The following ATP5F1C variants were observed in gnomAD, a reference collection of about 807,000 sequenced individuals.
ATP5F1C encodes ATP synthase F1 subunit gamma.
Under a neutral mutation model 37.4 loss-of-function variants are expected in ATP5F1C, and 22 were observed. The observed-to-expected ratio is 0.59, with a 90% CI of 0.42 to 0.84. ATP5F1C has a LOEUF of 0.84. Among genes scored for constraint, ATP5F1C ranks in the 40% least tolerant of loss-of-function variants. The pLI is 0.00. For synonymous variants in ATP5F1C, 121 were observed against 128.0 expected (o/e 0.95, Z 0.37); for missense variants, 286 against 362.4 (o/e 0.79, Z 1.71).
chr10:7,796,900 A>C, intron 2 of ATP5F1C, 147 bp from the exon 3 acceptor site: 1 of 914,460 alleles, frequency 1.1e-6, no homozygotes, highest in Non-Finnish European at 1.6e-6. Context: ...ACTAGTTCTA[A>C]TATTAAGACT....
At chr10:7,801,657 C>T (rs1042904628) in intron 6 of ATP5F1C, 11 of 152,212 alleles carry the variant, frequency 7.2e-5, no homozygotes, top group African/African-American at 2.7e-4. Flanking sequence ...ATCTTGGGGA[C>T]AGGACCTGAG....
chr10:7,788,189 CA>C lies in ATP5F1C; in HGVS notation c.-18del, dbSNP rs1564328725. The C allele has an allele frequency of 6.2e-7, 1 of 1,612,814 alleles. No individual in the cohort carries two copies. Among genetic ancestry groups the C allele is most frequent in the South Asian group, 1.1e-5 (1 of 90,960 alleles). On this transcript the variant is annotated 5_prime_UTR_variant, in exon 1 of 10. Coordinates refer to ENST00000356708, the MANE Select transcript of ATP5F1C (RefSeq NM_001001973.3). ...CGCTGAGGCCTGCCTGACCGACCTT[CA>C]GCAGGGCTGTGGCTACCATGTTCTC...
At chr10:7,788,415 T>C (rs1273101762) in intron 1 of ATP5F1C, 152 bp downstream of exon 1, 3 of 1,174,274 alleles carry the variant, frequency 2.6e-6, no homozygotes, top group Non-Finnish European at 3.6e-6. Context: ...TAGCGGGGGC[T>C]GCAGGAAGCG....
At chr10:7,805,440 T>C (rs1359387301) in intron 8 of ATP5F1C, among the ~76,000 whole-genome samples, 2 of 152,128 alleles carry the variant, frequency 1.3e-5, no homozygotes, top group East Asian at 1.9e-4. Flanking sequence ...ACCAGCCTAT[T>C]TCTTCATTAG....
chr10:7,807,789 A>T lies in ATP5F1C; in HGVS notation c.*161A>T. 1 of 1,049,468 alleles carries T rather than the reference A, an allele frequency of 9.5e-7. No individual in the cohort carries two copies. The highest frequency in any genetic ancestry group is 1.3e-6 in the Non-Finnish European group (1 of 749,206). The allele number at this position is 1,049,468 out of a possible 1,614,324, so 65.0% of individuals were successfully genotyped here. On this transcript the variant is annotated 3_prime_UTR_variant, in exon 10 of 10. Coordinates refer to ENST00000356708, the MANE Select transcript of ATP5F1C (RefSeq NM_001001973.3). ...TTTGTAAATTATCTTAAAATAAACA[A>T]CTTAAAATAAAATCATTGTTTTTCT...
At chr10:7,804,197 A>C (rs376097998) in intron 8 of ATP5F1C, 27 of 518,856 alleles carry the variant, frequency 5.2e-5, no homozygotes, top group Non-Finnish European at 1.0e-4. Context: ...AGTGCAGAAT[A>C]CTTGCTGTGT....
chr10:7,802,615 A>C (rs917083957), intron 7 of ATP5F1C, 143 bp from the exon 8 acceptor site: 4 of 1,091,528 alleles, frequency 3.7e-6, no homozygotes, highest in Non-Finnish European at 5.2e-6. Flanking sequence ...GGAAGATGTA[A>C]AAATATCTTC....
chr10:7,788,287 G>C, intron 1 of ATP5F1C, 24 bp downstream of exon 1: 1 of 1,611,200 alleles, frequency 6.2e-7, no homozygotes, highest in Non-Finnish European at 8.5e-7. Flanking sequence ...CGGGAAGATC[G>C]GCAGGACCGC....
rs531906161 is a variant in ATP5F1C at position 7,798,894 on chromosome 10, C to T, written c.224-96C>T. The T allele has an allele frequency of 1.6e-4, 195 of 1,190,990 alleles. 1 individual carries two copies. The highest frequency in any genetic ancestry group is 2.9e-4 in the Middle Eastern group (1 of 3,468). The allele number at this position is 1,190,990 out of a possible 1,614,324, so 73.8% of individuals were successfully genotyped here. On this transcript the variant is annotated intron_variant, in intron 3 of 9. Transcript: ENST00000356708. ...GGCAGTTGCCAGCTAAATTTAAATG[C>T]GTATTTTGGAAATAACCAACTGCTT...
chr10:7,800,281 C>T lies in ATP5F1C; in HGVS notation c.637+190C>T, dbSNP rs565739515. 5.9e-5 allele frequency among the ~76,000 whole-genome samples: 9 copies of T among 152,178 alleles called. No homozygotes were observed. In the East Asian group the frequency reaches 7.8e-4, roughly 13 times the overall value. ...CACCATCTCGGCTCACTGCAAGTTC[C>T]GCCTCCTGGGTTCACACCATTCTCC... is the stretch of plus-strand genomic sequence containing the variant. On this transcript the variant is annotated intron_variant, in intron 6 of 9. Transcript: ENST00000356708.
chr10:7,789,100 T>C (rs781345143), intron 1 of ATP5F1C, among the ~76,000 whole-genome samples: 1 of 151,948 alleles, frequency 6.6e-6, no homozygotes, highest in Non-Finnish European at 1.5e-5. Context: ...AAGTGCATAT[T>C]AGAAGGCCCG....
intron 9 of ATP5F1C, 124 bp from the exon 10 acceptor site, chr10:7,807,535 G>A: frequency 1.7e-6 from 2 of 1,188,164 alleles, no homozygotes; most frequent in African/African-American, 1.5e-5. Flanking sequence ...CTGGTATAGG[G>A]TAACACTTTA....
intron 1 of ATP5F1C, among the ~76,000 whole-genome samples, chr10:7,791,310 A>C (rs1836161327): frequency 6.6e-6 from 1 of 152,102 alleles, no homozygotes. Flanking sequence ...AAAACAAAAA[A>C]AAAAAGATGA....
chr10:7,795,617 G>A (rs1836225402), intron 1 of ATP5F1C, among the ~76,000 whole-genome samples: 2 of 152,158 alleles, frequency 1.3e-5, no homozygotes, highest in Admixed American at 1.3e-4. Context: ...GAGCATCTTG[G>A]TAAATGTTTA....
At chr10:7,794,631 C>G (rs181478420) in intron 1 of ATP5F1C, among the ~76,000 whole-genome samples, 1 of 151,780 alleles carries the variant, frequency 6.6e-6, no homozygotes, top group African/African-American at 2.4e-5. Flanking sequence ...TTTCTTTAAC[C>G]TGTTGACGTA....
chr10:7,799,373 G>T (rs1836307107), intron 4 of ATP5F1C, 179 bp downstream of exon 4: 2 of 608,286 alleles, frequency 3.3e-6, no homozygotes, highest in Non-Finnish European at 5.6e-6. Flanking sequence ...GGATATATTG[G>T]AACATTTCTG....
intron 6 of ATP5F1C, among the ~76,000 whole-genome samples, chr10:7,800,312 C>T (rs7073668): frequency 0.085 from 12,968 of 152,112 alleles, 624 homozygotes; most frequent in Middle Eastern, 0.12. Flanking sequence ...TCTCCTGCCT[C>T]AGCCTCCCTA....
intron 8 of ATP5F1C, among the ~76,000 whole-genome samples, chr10:7,803,487 GTTT>G (rs767019534): frequency 1.3e-5 from 2 of 152,168 alleles, no homozygotes; most frequent in Admixed American, 6.5e-5. Flanking sequence ...TGTTGTATTG[GTTT>G]TTGTTTTTAT....
rs567910407 is a variant in ATP5F1C at position 7,798,622 on chromosome 10, T to C, written c.224-368T>C. On this transcript the variant is annotated intron_variant, in intron 3 of 9. Coordinates refer to ENST00000356708, the MANE Select transcript of ATP5F1C (RefSeq NM_001001973.3). ...ACGGGGTTTCACCGTGGTCTTGATA[T>C]CGTGACCTTGTGATCCGCCCGCCTT... is the stretch of plus-strand genomic sequence containing the variant. 4.7e-4 allele frequency among the ~76,000 whole-genome samples: 71 copies of C among 152,300 alleles called. 2 individuals are homozygous for C. In the South Asian group the frequency reaches 0.014, roughly 31 times the overall value.
Sources: allele counts gnomAD v4.1 joint callset (sites outside exome capture counted in the v4.1 genomes callset), GRCh38; gene constraint gnomAD v4.1.1; transcripts MANE v1.5; gene names NCBI Gene and HGNC (gene_info 2026-07-23, HGNC 2026-07-21).